SPAG6: variants seen among roughly 807,000 people sequenced by gnomAD.
The protein encoded by SPAG6 is sperm-associated antigen 6.
A neutral mutation model predicts 58.5 loss-of-function variants in SPAG6; 49 were observed. The ratio of observed to expected loss-of-function variants is 0.84; its 90% CI spans 0.67 to 1.06. The LOEUF is 1.06. Among genes scored for constraint, SPAG6 ranks in the 50% least tolerant of loss-of-function variants. The pLI is 0.00. For missense variants in SPAG6, 560 were observed against 611.3 expected, an observed-to-expected ratio of 0.92 and a Z score of 0.89; for synonymous variants, 233 against 225.6, an observed-to-expected ratio of 1.03 and a Z score of -0.29.
rs529755875 is a variant in SPAG6, at chr10:22,353,955, A to G, written c.121+8137A>G. On this transcript the variant is annotated intron_variant, in intron 2 of 10. Transcript: ENST00000376624. ...AAGAGAAAAGGTGGTACTCATGGAA[A>G]AGGCCAATGTTTAGTTATGACTGGA... Among the ~76,000 whole-genome samples, 29 of 152,328 alleles carry G rather than the reference A, an allele frequency of 1.9e-4. No individual in the cohort carries two copies. In the South Asian group the frequency reaches 4.6e-3, roughly 24 times the overall value.
At chr10:22,349,432 T>C (rs924131917) in intron 2 of SPAG6, among the ~76,000 whole-genome samples, 1 of 152,214 alleles carries the variant, frequency 6.6e-6, no homozygotes, top group Non-Finnish European at 1.5e-5. Flanking sequence ...AGATAATACA[T>C]TGTTACTTCT....
intron 4 of SPAG6, among the ~76,000 whole-genome samples, chr10:22,379,521 G>A (rs1833902781): frequency 6.6e-6 from 1 of 152,134 alleles, no homozygotes; most frequent in South Asian, 2.1e-4. Context: ...CCTATGTAGA[G>A]GCCCATAGGG....
Position 22,411,068 on chromosome 10 carries a change from T to G in SPAG6, c.1352T>G (p.Val451Gly). The G allele has an allele frequency of 6.2e-7, 1 of 1,614,094 alleles. No homozygotes were observed. The highest frequency in any genetic ancestry group is 1.3e-5 in the African/African-American group (1 of 75,056). ...PHDSKARRLFVTSGGLKKVQE... is the reference protein window; with the variant it reads ...PHDSKARRLFGTSGGLKKVQE... The stretch of plus-strand genomic sequence containing the variant: ...GATAGCAAAGCTCGACGACTTTTTG[T>G]AACAAGTGGTGGCCTTAAAAAAGTT... The change falls in exon 10 of 11, where the codon GTA (valine) becomes GGA (glycine). Residue 451 changes from valine (V) to glycine (G), a missense_variant. Physicochemically the swap from Val to Gly is moderately radical, Grantham distance 109. Transcript: ENST00000376624.
At chr10:22,369,093 C>T (rs1837275736) in intron 4 of SPAG6, among the ~76,000 whole-genome samples, 3 of 152,180 alleles carry the variant, frequency 2.0e-5, no homozygotes, top group South Asian at 4.1e-4. Flanking sequence ...GTCATTTGGT[C>T]TTCCTGCCCA....
chr10:22,384,146 C>T (rs113880395), intron 4 of SPAG6, among the ~76,000 whole-genome samples: 14 of 152,308 alleles, frequency 9.2e-5, no homozygotes, highest in African/African-American at 3.4e-4. Context: ...CAGCCATCCT[C>T]AGCATATTGG....
Position 22,363,639 on chromosome 10 carries a change from C to T in SPAG6, c.122-1214C>T, listed in dbSNP as rs186403359. Among the ~76,000 whole-genome samples, 12 of 152,324 alleles carry T rather than the reference C, an allele frequency of 7.9e-5. No homozygotes were observed. In the East Asian group the frequency reaches 2.3e-3, roughly 29 times the overall value. On this transcript the variant is annotated intron_variant, in intron 2 of 10. Transcript: ENST00000376624. ...TCTCTGCTTAGGTTATTTGCTAGTA[C>T]TCTTTTATTTTGGTCTAATCCTAAG...
intron 4 of SPAG6, among the ~76,000 whole-genome samples, chr10:22,372,045 C>A (rs1271466532): frequency 6.6e-6 from 1 of 152,076 alleles, no homozygotes; most frequent in Non-Finnish European, 1.5e-5. Flanking sequence ...TTTTCCTGCT[C>A]CTTAGTGACA....
intron 3 of SPAG6, among the ~76,000 whole-genome samples, chr10:22,367,704 A>AT (rs1033213733): frequency 6.6e-6 from 1 of 152,114 alleles, no homozygotes; most frequent in Non-Finnish European, 1.5e-5. Flanking sequence ...TATACATTTA[A>AT]TTTTTTTAGC....
chr10:22,373,240 A>G (rs1833741467), intron 4 of SPAG6, among the ~76,000 whole-genome samples: 1 of 152,178 alleles, frequency 6.6e-6, no homozygotes, highest in Admixed American at 6.5e-5. Flanking sequence ...CATTGAGTCC[A>G]TTGTATCCTC....
At chr10:22,365,824 C>T (rs1837183143) in intron 3 of SPAG6, among the ~76,000 whole-genome samples, 1 of 152,080 alleles carries the variant, frequency 6.6e-6, no homozygotes, top group Admixed American at 6.6e-5. Flanking sequence ...TGCTCCACAG[C>T]ATTAGTCATT....
Position 22,410,220 on chromosome 10 carries a change from CATTT to C in SPAG6, c.1315-810_1315-807del, listed in dbSNP as rs138036200. Among the ~76,000 whole-genome samples, 1,421 of 152,248 alleles carry C rather than the reference CATTT, an allele frequency of 9.3e-3. 23 individuals are homozygous for C. The highest frequency in any genetic ancestry group is 0.033 in the African/African-American group (1,361 of 41,540). On this transcript the variant is annotated intron_variant, in intron 9 of 10. Transcript: ENST00000376624. ...ATGCCTACTCTTTAGTATATTCATT[CATTT>C]GTTAAACATTTGTTGAACCTCTGTT...
chr10:22,356,722 C>A (rs2132036743), intron 2 of SPAG6, among the ~76,000 whole-genome samples: 1 of 152,286 alleles, frequency 6.6e-6, no homozygotes, highest in African/African-American at 2.4e-5. Flanking sequence ...CTCCTTAGAC[C>A]TTTCACTTTC....
chr10:22,370,016 T>C (rs1388696599), intron 4 of SPAG6, among the ~76,000 whole-genome samples: 1 of 152,144 alleles, frequency 6.6e-6, no homozygotes, highest in Non-Finnish European at 1.5e-5. Context: ...TTGACAGAAA[T>C]TTAGTGGATA....
chr10:22,399,137 C>A (rs760447622), intron 8 of SPAG6, among the ~76,000 whole-genome samples: 1 of 152,188 alleles, frequency 6.6e-6, no homozygotes, highest in East Asian at 1.9e-4. Flanking sequence ...GTCTTTTTAA[C>A]AACTTTATTG....
At chr10:22,410,982 T>C (rs1564382559) in intron 9 of SPAG6, 49 bp from the exon 10 acceptor site, 2 of 1,570,514 alleles carry the variant, frequency 1.3e-6, no homozygotes, top group African/African-American at 2.7e-5. Flanking sequence ...ATAGTAATAA[T>C]CTAACTTGGA....
chr10:22,360,320 G>GT (rs1204700157), intron 2 of SPAG6, among the ~76,000 whole-genome samples: 123 of 137,376 alleles, frequency 9.0e-4, no homozygotes, highest in South Asian at 2.9e-3. Flanking sequence ...GTTTTTGTTT[G>GT]TTTTTTTTTT....
At chr10:22,360,888 TTTCCTTCC>T (rs529451315) in intron 2 of SPAG6, 23 of 1,278,992 alleles carry the variant, frequency 1.8e-5, no homozygotes, top group South Asian at 2.6e-5. Context: ...TTTCTTTTTA[TTTCCTTCC>T]TTCCTTCCTT....
chr10:22,412,970 T>G (rs971168884), intron 10 of SPAG6: 1 of 151,090 alleles, frequency 6.6e-6, no homozygotes, highest in African/African-American at 2.4e-5. Context: ...AATTAATTTT[T>G]ATACGTGGAA....
chr10:22,360,885 T>G (rs905817346), intron 2 of SPAG6: 2 of 1,340,494 alleles, frequency 1.5e-6, no homozygotes, highest in Non-Finnish European at 2.1e-6. Context: ...AAATTTCTTT[T>G]TATTTCCTTC....
Sources: allele counts gnomAD v4.1 joint callset (sites outside exome capture counted in the v4.1 genomes callset), GRCh38; gene constraint gnomAD v4.1.1; transcripts MANE v1.5; gene names NCBI Gene and HGNC (gene_info 2026-07-23, HGNC 2026-07-21).